PTPRD: variants seen among roughly 807,000 people sequenced by gnomAD.
PTPRD encodes receptor-type tyrosine-protein phosphatase delta.
A neutral mutation model predicts 214.5 loss-of-function variants in PTPRD; 34 were observed. That is an observed-to-expected ratio of 0.16 (90% CI 0.12 to 0.21). PTPRD has a LOEUF of 0.21. Among genes scored for constraint, PTPRD ranks in the 10% least tolerant of loss-of-function variants. The pLI is 1.00. For synonymous variants in PTPRD, 1,128 were observed against 845.7 expected (o/e 1.33, Z -5.79); for missense variants, 2,545 against 2,398.7 (o/e 1.06, Z -1.27).
chr9:9,820,649 T>C (rs987207374), intron 5 of PTPRD, among the ~76,000 whole-genome samples: 2 of 152,116 alleles, frequency 1.3e-5, no homozygotes, highest in Non-Finnish European at 2.9e-5. Context: ...CCATCTTGAG[T>C]TAATTTTACA....
In PTPRD at chr9:9,613,131, C is replaced by CATATATATATAT. The variant is rs1383091159; in HGVS notation, c.-286-38351_-286-38350insATATATATATAT. Among the ~76,000 whole-genome samples the CATATATATATAT allele has an allele frequency of 6.6e-3, 267 of 40,618 alleles. 14 individuals carry two copies. The highest frequency in any genetic ancestry group is 0.012 in the South Asian group (10 of 848). The allele number at this position is 40,618 out of a possible 152,430, so 26.6% of individuals were successfully genotyped here. A position where few individuals can be genotyped will look rare whatever the true frequency, so the allele number is the denominator to read the frequency against. ...TAATAGCTAGGCTGCAGTATACATA[C>CATATATATATAT]ATACATATATATATATATATATATA... is the stretch of plus-strand genomic sequence containing the variant. On this transcript the variant is annotated intron_variant, in intron 7 of 45. Coordinates refer to ENST00000381196, the MANE Select transcript of PTPRD (RefSeq NM_002839.4).
intron 2 of PTPRD, among the ~76,000 whole-genome samples, chr9:10,485,298 T>C (rs573686662): frequency 3.3e-5 from 5 of 152,092 alleles, no homozygotes; most frequent in Admixed American, 6.5e-5. Flanking sequence ...AGGTATGTGA[T>C]ACTTCCAATT....
intron 10 of PTPRD, among the ~76,000 whole-genome samples, chr9:9,088,178 G>A (rs967532512): frequency 1.0e-4 from 15 of 150,018 alleles, no homozygotes; most frequent in Admixed American, 2.6e-4. Flanking sequence ...CACTGCACCC[G>A]GCCAGAGCCC....
At chr9:9,709,406 C>T (rs1353115540) in intron 7 of PTPRD, among the ~76,000 whole-genome samples, 3 of 151,902 alleles carry the variant, frequency 2.0e-5, no homozygotes, top group Non-Finnish European at 2.9e-5. Context: ...GTGGTAAAGA[C>T]ATACATGTTA....
intron 9 of PTPRD, among the ~76,000 whole-genome samples, chr9:9,225,674 G>T (rs956233178): frequency 6.6e-6 from 1 of 151,968 alleles, no homozygotes; most frequent in Non-Finnish European, 1.5e-5. Context: ...GCGCATTTAA[G>T]AATTCTAGAC....
chr9:10,480,962 T>C (rs912740652), intron 2 of PTPRD, among the ~76,000 whole-genome samples: 1 of 152,280 alleles, frequency 6.6e-6, no homozygotes, highest in Admixed American at 6.5e-5. Flanking sequence ...TGGGAAGCCA[T>C]TCATTTACTC....
chr9:8,544,164 C>CTT (rs373194856), intron 14 of PTPRD, among the ~76,000 whole-genome samples: 72 of 111,116 alleles, frequency 6.5e-4, no homozygotes, highest in African/African-American at 1.2e-3. Flanking sequence ...TTTGCCATTA[C>CTT]TTTTTTTTTT....
chr9:10,062,523 T>C (rs1041851408), intron 3 of PTPRD, among the ~76,000 whole-genome samples: 4 of 152,008 alleles, frequency 2.6e-5, no homozygotes, highest in African/African-American at 9.7e-5. Context: ...GGAGAATCAC[T>C]TAAACCCGCA....
In PTPRD at chr9:8,451,926, C is replaced by T. The variant is rs144080760; in HGVS notation, c.3876-2089G>A. On this transcript the variant is annotated intron_variant, in intron 33 of 45. Transcript: ENST00000381196. ...TATTGTAGGGTAACCTCCTTATCTT[C>T]TTTTTCCCTGTGGCTGGGGTGAGTG... The T allele has an allele frequency of 3.9e-3, 1,906 of 491,992 alleles. 27 individuals carry two copies. Among genetic ancestry groups the T allele is most frequent in the South Asian group, 0.016 (1,035 of 66,160 alleles). 30.5% of individuals were successfully genotyped at this position (491,992 alleles called of 1,614,324 possible).
intron 2 of PTPRD, among the ~76,000 whole-genome samples, chr9:10,495,953 T>C (rs140690972): frequency 6.6e-6 from 1 of 151,890 alleles, no homozygotes; most frequent in Non-Finnish European, 1.5e-5. Flanking sequence ...CAAAGTTGTA[T>C]TTAGTATTGC....
At chr9:9,829,242 A>G (rs2054009631) in intron 5 of PTPRD, among the ~76,000 whole-genome samples, 1 of 151,976 alleles carries the variant, frequency 6.6e-6, no homozygotes, top group Non-Finnish European at 1.5e-5. Flanking sequence ...AAGAATACCT[A>G]CAGTGATGTT....
At chr9:8,415,805 G>C (rs1003362146) in intron 35 of PTPRD, among the ~76,000 whole-genome samples, 5 of 152,068 alleles carry the variant, frequency 3.3e-5, no homozygotes, top group Admixed American at 6.6e-5. Flanking sequence ...GTAGCATTTA[G>C]ACGTCACAGC....
chr9:9,019,334 AAGAACG>A (rs2099552965), intron 10 of PTPRD, among the ~76,000 whole-genome samples: 1 of 27,206 alleles, frequency 3.7e-5, no homozygotes, highest in African/African-American at 9.6e-5. Context: ...GAAAGAAAGA[AAGAACG>A]AAAGAAAGAA....
Position 8,934,482 on chromosome 9 carries a change from T to TATATATAAATTTATATATATATTA in PTPRD, c.-104+84214_-104+84215insTAATATATATATAAATTTATATAT, listed in dbSNP as rs1567100372. 9.4e-3 allele frequency among the ~76,000 whole-genome samples: 72 copies of TATATATAAATTTATATATATATTA among 7,636 alleles called. 3 individuals carry two copies. The highest frequency in any genetic ancestry group is 0.029 in the East Asian group (6 of 206). The allele number at this position is 7,636 out of a possible 152,430, so 5.0% of individuals were successfully genotyped here. ...ATATATAAATATATATATATAAATA[T>TATATATAAATTTATATATATATTA]ATATATATATAAATATATATATAAA... On this transcript the variant is annotated intron_variant, in intron 11 of 45. Coordinates refer to ENST00000381196, the MANE Select transcript of PTPRD (RefSeq NM_002839.4).
intron 8 of PTPRD, among the ~76,000 whole-genome samples, chr9:9,485,088 A>T (rs2095572721): frequency 6.6e-6 from 1 of 152,230 alleles, no homozygotes; most frequent in African/African-American, 2.4e-5. Flanking sequence ...AGTTTTTGAA[A>T]GATCAATGGA....
intron 5 of PTPRD, among the ~76,000 whole-genome samples, chr9:9,892,019 T>C (rs1006402748): frequency 5.3e-5 from 8 of 152,104 alleles, no homozygotes; most frequent in African/African-American, 1.9e-4. Flanking sequence ...ATAAAATAAG[T>C]TGAGAAGTCA....
At chr9:8,449,094 G>C (rs1016933964) in intron 34 of PTPRD, among the ~76,000 whole-genome samples, 1 of 152,108 alleles carries the variant, frequency 6.6e-6, no homozygotes, top group Non-Finnish European at 1.5e-5. Context: ...GAATAGTAGT[G>C]TTCCTCTGTT....
chr9:8,667,121 C>G (rs1041382869), intron 12 of PTPRD, among the ~76,000 whole-genome samples: 43 of 152,216 alleles, frequency 2.8e-4, no homozygotes, highest in African/African-American at 9.9e-4. Flanking sequence ...GGCAGATGAC[C>G]TGAAGTCAGG....
intron 3 of PTPRD, among the ~76,000 whole-genome samples, chr9:10,130,968 A>C (rs942850673): frequency 1.3e-5 from 2 of 152,258 alleles, no homozygotes; most frequent in Non-Finnish European, 2.9e-5. Flanking sequence ...AAAGAAAGGA[A>C]AGAATAGATC....
Sources: gnomAD v4.1 joint callset for allele counts (sites outside exome capture counted in the v4.1 genomes callset) on GRCh38, gnomAD v4.1.1 for gene constraint, MANE v1.5 for transcripts, NCBI Gene and HGNC (gene_info 2026-07-23, HGNC 2026-07-21) for gene names.